NID1: variants seen among roughly 807,000 people sequenced by gnomAD.
NID1 encodes the protein nidogen-1.
NID1 carries 76 observed loss-of-function variants against 130.6 expected under a neutral mutation model. That is an observed-to-expected ratio of 0.58 (90% confidence interval 0.48 to 0.70). The LOEUF (loss-of-function observed/expected upper bound fraction) is 0.70, where lower values mean the gene tolerates loss of function less well. Among genes scored for constraint, NID1 ranks in the 30% least tolerant of loss-of-function variants. The pLI is 0.00. For missense variants in NID1, 1,517 were observed against 1,664.8 expected (o/e 0.91, Z 1.54); for synonymous variants, 665 against 675.1 (o/e 0.98, Z 0.23).
rs1260869453 is a variant in NID1 at position 236,064,839 on chromosome 1, C to T, written c.225+16G>A. 6.2e-7 allele frequency: 1 copy of T among 1,604,828 alleles called. No individual in the cohort carries two copies. ...CGCCCTGCAGCCCCTCGCCCGCCCTCCCGGGGCTCACTCACGTAGACTGCG... is the reference window on the plus strand; with the variant it reads ...CGCCCTGCAGCCCCTCGCCCGCCCTTCCGGGGCTCACTCACGTAGACTGCG... On this transcript the variant is annotated intron_variant, in intron 1 of 19. Transcript: ENST00000264187.
chr1:236,047,657 T>C (rs750841928), intron 2 of NID1, among the ~76,000 whole-genome samples: 1 of 152,140 alleles, frequency 6.6e-6, no homozygotes, highest in Non-Finnish European at 1.5e-5. Context: ...GGGCTTTACC[T>C]TTCTATCTTT....
intron 2 of NID1, among the ~76,000 whole-genome samples, chr1:236,046,974 G>C (rs923607362): frequency 6.6e-6 from 1 of 152,204 alleles, no homozygotes; most frequent in African/African-American, 2.4e-5. Flanking sequence ...AGGCTGGAAT[G>C]GTGGCTCACG....
chr1:236,014,211 A>AC (rs143348014), intron 10 of NID1, among the ~76,000 whole-genome samples: 38,498 of 134,362 alleles, frequency 0.29, 5,760 homozygotes, highest in Non-Finnish European at 0.36. Flanking sequence ...TCTTCCCCCC[A>AC]CCCCCTCAAC....
rs71174488 is a variant in NID1 at position 236,004,049 on chromosome 1, A to AC, written c.2527+7871dup. 4.0e-5 allele frequency among the ~76,000 whole-genome samples: 6 copies of AC among 150,714 alleles called. No individual in the cohort carries two copies. The East Asian group carries it at 7.8e-4, about 20-fold the overall frequency. ...CTCTGTCTCAAAAAAAAAAAAAAAA[A>AC]CAAGAAGAAAAGAAAAAGAAATGAG... On this transcript the variant is annotated intron_variant, in intron 12 of 19. Transcript: ENST00000264187.
rs372058418 is a variant in NID1 at position 236,050,671 on chromosome 1, G to T, written c.226-1682C>A. Among the ~76,000 whole-genome samples, 6 of 152,298 alleles carry T rather than the reference G, an allele frequency of 3.9e-5. No homozygotes were observed. In the East Asian group the frequency reaches 1.2e-3, roughly 29 times the overall value. ...AGCCCCTTGGAGTGGGGGCACTCAGGCTCACCAGTGAAGTCTAACACCCTC... is the reference window on the plus strand; with the variant it reads ...AGCCCCTTGGAGTGGGGGCACTCAGTCTCACCAGTGAAGTCTAACACCCTC... On this transcript the variant is annotated intron_variant, in intron 1 of 19. Transcript: ENST00000264187.
chr1:235,979,690 G>A lies in NID1; in HGVS notation c.3509+132C>T. On this transcript the variant is annotated intron_variant, in intron 18 of 19. Coordinates refer to ENST00000264187, the MANE Select transcript of NID1 (RefSeq NM_002508.3). This position sits in a 1 kb window ranked among gnomAD's most constrained non-coding sequence, Gnocchi z 4.6. The stretch of plus-strand genomic sequence containing the variant: ...ACAACCAGAAGGATAAGGGAGAGGG[G>A]ACATCTCTAGAGGGGGCATTTCTGG... 1.1e-6 allele frequency: 1 copy of A among 897,916 alleles called. No individual in the cohort carries two copies. 55.6% of individuals were successfully genotyped at this position (897,916 alleles called of 1,614,324 possible).
chr1:236,005,505 A>G (rs1348361039), intron 12 of NID1, among the ~76,000 whole-genome samples: 1 of 152,230 alleles, frequency 6.6e-6, no homozygotes, highest in Non-Finnish European at 1.5e-5. Flanking sequence ...TTCTTTTACT[A>G]AAAAGATTTC....
At chr1:236,009,596 C>T (rs1192659859) in intron 12 of NID1, among the ~76,000 whole-genome samples, 1 of 152,202 alleles carries the variant, frequency 6.6e-6, no homozygotes, top group Non-Finnish European at 1.5e-5. Flanking sequence ...TTCACATAGG[C>T]TTATGTTTTA....
rs1461296059 is a variant in NID1, at chr1:236,048,900, G to A, written c.315C>T (p.Ala105=). ...TCGTGTCCAAGTCCGCCAGGAAAGG[G>A]GCGACTGCACCGAATGTTGGTGGGA... ...GLFPPTFGAV[A]PFLADLDTTD... The change falls in exon 2 of 20, where the codon GCC becomes GCT. Residue 105 remains alanine, a synonymous_variant. Coordinates refer to ENST00000264187, the MANE Select transcript of NID1 (RefSeq NM_002508.3). 1 of 1,614,034 alleles carries A rather than the reference G, an allele frequency of 6.2e-7. No homozygotes were observed. Among genetic ancestry groups the A allele is most frequent in the Non-Finnish European group, 8.5e-7 (1 of 1,180,002 alleles).
chr1:236,005,470 T>A (rs1658222690), intron 12 of NID1, among the ~76,000 whole-genome samples: 1 of 152,208 alleles, frequency 6.6e-6, no homozygotes, highest in African/African-American at 2.4e-5. Context: ...AAATGATTCA[T>A]ATGCCATACA....
intron 10 of NID1, 90 bp downstream of exon 10, chr1:236,017,058 A>G (rs1658614899): frequency 6.4e-7 from 1 of 1,562,572 alleles, no homozygotes; most frequent in East Asian, 2.3e-5. Flanking sequence ...CAACTTGACC[A>G]GACTCATTTT....
chr1:236,009,291 G>A (rs923578310), intron 12 of NID1, among the ~76,000 whole-genome samples: 1 of 152,184 alleles, frequency 6.6e-6, no homozygotes, highest in Admixed American at 6.5e-5. Flanking sequence ...CTGGCCGTCT[G>A]TGAACTAGGA....
intron 16 of NID1, 66 bp downstream of exon 16, chr1:235,981,545 T>A: frequency 2.0e-6 from 3 of 1,518,342 alleles, no homozygotes; most frequent in Non-Finnish European, 2.7e-6. Flanking sequence ...AAGCCTCACA[T>A]CTGAGAATCT....
chr1:236,026,905 A>AT (rs548674897), intron 7 of NID1, among the ~76,000 whole-genome samples: 4 of 151,842 alleles, frequency 2.6e-5, no homozygotes, highest in Non-Finnish European at 5.9e-5. Flanking sequence ...CGCTCAGCTC[A>AT]TTTTTTTGTA....
At chr1:236,001,566 C>G (rs1214983078) in intron 12 of NID1, among the ~76,000 whole-genome samples, 1 of 152,170 alleles carries the variant, frequency 6.6e-6, no homozygotes, top group Non-Finnish European at 1.5e-5. Flanking sequence ...CTAGGGGCCA[C>G]TAAGAACAAC....
chr1:236,024,511 C>A (rs554319141), intron 8 of NID1, among the ~76,000 whole-genome samples: 9 of 152,348 alleles, frequency 5.9e-5, no homozygotes, highest in African/African-American at 2.2e-4. Flanking sequence ...ACTGTATAGC[C>A]AGCAAAACCT....
Position 235,980,523 on chromosome 1 carries a change from A to G in NID1, c.3358T>C (p.Ser1120Pro), listed in dbSNP as rs1201902566. The G allele has an allele frequency of 2.5e-6, 4 of 1,614,084 alleles. No individual in the cohort carries two copies. The highest frequency in any genetic ancestry group is 1.3e-5 in the African/African-American group (1 of 74,940). ...LPNGLTFDAF[S>P]SQLCWVDAGT... The stretch of plus-strand genomic sequence containing the variant: ...GCATCCACCCAGCAGAGCTGAGATG[A>G]GAACGCATCGAAGGTCAGTCCATTG... The change falls in exon 17 of 20, where the codon TCA becomes CCA. Residue 1120 changes from serine to proline, a missense_variant. Ser to Pro is a moderately conservative substitution (Grantham distance 74). This residue lies in a region of NID1 where 181 missense variants were observed against 211.3 expected (regional missense o/e 0.86). Transcript: ENST00000264187.
intron 7 of NID1, among the ~76,000 whole-genome samples, chr1:236,026,739 AT>A (rs768617564): frequency 0.15 from 20,660 of 136,960 alleles, 2,089 homozygotes; most frequent in East Asian, 0.38. Context: ...TTTCTTTTTC[AT>A]TTTTTTTTTT....
intron 8 of NID1, among the ~76,000 whole-genome samples, chr1:236,025,284 C>T (rs1350278732): frequency 3.7e-5 from 4 of 108,590 alleles, no homozygotes; most frequent in Non-Finnish European, 6.8e-5. Context: ...TTTTTTGAGA[C>T]AGAGTCTCAC....
Sources: allele counts gnomAD v4.1 joint callset (sites outside exome capture counted in the v4.1 genomes callset), GRCh38; gene constraint gnomAD v4.1.1; regional missense constraint gnomAD v4.1.1; non-coding constraint Gnocchi (gnomAD v3.1); transcripts MANE v1.5; gene names NCBI Gene and HGNC (gene_info 2026-07-23, HGNC 2026-07-21).